SLC20A2: variants seen among roughly 807,000 people sequenced by gnomAD.
The protein encoded by SLC20A2 is sodium-dependent phosphate transporter 2.
A neutral mutation model predicts 61.0 loss-of-function variants in SLC20A2; 30 were observed. That is an observed-to-expected ratio of 0.49 (90% CI 0.37 to 0.67). SLC20A2 has a LOEUF of 0.67. SLC20A2 is among the 30% of genes least tolerant of loss of function. SLC20A2 has a pLI of 0.00. For synonymous variants in SLC20A2, 351 were observed against 353.3 expected, an observed-to-expected ratio of 0.99 and a Z score of 0.07; for missense variants, 626 against 866.4, an observed-to-expected ratio of 0.72 and a Z score of 3.48.
chr8:42,489,761 C>G (rs919984805), intron 1 of SLC20A2, among the ~76,000 whole-genome samples: 1 of 152,188 alleles, frequency 6.6e-6, no homozygotes, highest in African/African-American at 2.4e-5. Context: ...CTGAAGCCCC[C>G]GTAGCCTGCG....
chr8:42,441,373 C>A (rs1160470458), intron 6 of SLC20A2, among the ~76,000 whole-genome samples: 1 of 151,486 alleles, frequency 6.6e-6, no homozygotes, highest in African/African-American at 2.4e-5. Flanking sequence ...AAGCTTGTCT[C>A]GAAATCCTGA....
chr8:42,483,184 G>A (rs1232075815), intron 1 of SLC20A2, among the ~76,000 whole-genome samples: 5 of 151,936 alleles, frequency 3.3e-5, no homozygotes, highest in East Asian at 1.9e-4. Flanking sequence ...TGTTGTTTCC[G>A]TCTCTACTAA....
At chr8:42,475,978 G>T (rs949881969) in intron 1 of SLC20A2, among the ~76,000 whole-genome samples, 1 of 151,970 alleles carries the variant, frequency 6.6e-6, no homozygotes, top group African/African-American at 2.4e-5. Flanking sequence ...AACCGAGTGG[G>T]TTTTTCTTCT....
intron 1 of SLC20A2, among the ~76,000 whole-genome samples, chr8:42,534,392 A>C (rs906524431): frequency 3.3e-5 from 5 of 152,248 alleles, no homozygotes; most frequent in Non-Finnish European, 2.9e-5. Flanking sequence ...TACATTTTCT[A>C]TACATTTCTA....
intron 1 of SLC20A2, among the ~76,000 whole-genome samples, chr8:42,528,847 A>G (rs977099383): frequency 1.3e-5 from 2 of 151,826 alleles, no homozygotes; most frequent in East Asian, 3.9e-4. Flanking sequence ...TTGTATTTTT[A>G]GTAGAAACGG....
At chr8:42,470,710 A>T (rs1456835280) in intron 2 of SLC20A2, among the ~76,000 whole-genome samples, 1 of 152,162 alleles carries the variant, frequency 6.6e-6, no homozygotes, top group Non-Finnish European at 1.5e-5. Flanking sequence ...GTGGTGGCTC[A>T]CGCCTGTAAT....
chr8:42,420,704 TATAC>T (rs1209435116), intron 10 of SLC20A2, among the ~76,000 whole-genome samples: 3 of 152,222 alleles, frequency 2.0e-5, no homozygotes, highest in Admixed American at 2.0e-4. Context: ...TGTGGTAAGA[TATAC>T]ATAACATAAA....
At chr8:42,506,426 A>G (rs1810713992) in intron 1 of SLC20A2, among the ~76,000 whole-genome samples, 1 of 152,218 alleles carries the variant, frequency 6.6e-6, no homozygotes, top group African/African-American at 2.4e-5. Context: ...AGTGAGATGT[A>G]TCTAGCACAG....
chr8:42,419,400 T>A (rs1198133368), intron 10 of SLC20A2, among the ~76,000 whole-genome samples: 2 of 151,942 alleles, frequency 1.3e-5, no homozygotes, highest in Non-Finnish European at 2.9e-5. Context: ...TGAAACCCTG[T>A]CTCTACTAAA....
chr8:42,428,246 T>C (rs886206757), intron 10 of SLC20A2, among the ~76,000 whole-genome samples: 1 of 152,228 alleles, frequency 6.6e-6, no homozygotes, highest in East Asian at 1.9e-4. Flanking sequence ...CACTCCGCAG[T>C]GGTCAGTATC....
intron 5 of SLC20A2, among the ~76,000 whole-genome samples, chr8:42,455,645 G>A (rs1445032399): frequency 2.7e-5 from 4 of 149,944 alleles, no homozygotes; most frequent in Non-Finnish European, 4.4e-5. Flanking sequence ...ATGACACTCC[G>A]TCTCAAAAAA....
chr8:42,541,706 G>C (rs1404458849), intron 1 of SLC20A2: 3 of 149,228 alleles, frequency 2.0e-5, no homozygotes, highest in Non-Finnish European at 3.0e-5. Context: ...AGCCGGCAGC[G>C]TGAGTGGCCC....
intron 1 of SLC20A2, among the ~76,000 whole-genome samples, chr8:42,487,651 G>A (rs889675637): frequency 2.0e-5 from 3 of 152,088 alleles, no homozygotes; most frequent in East Asian, 1.9e-4. Context: ...AATTTACTGC[G>A]AAGCCTCTCT....
rs746548440 is a variant in SLC20A2, at chr8:42,437,075, GTCCTTCTCC to G, written c.1428_1436del (p.Glu476_Lys478del). ...GGAACAGGAGGTGAACCTCGGGTGC[GTCCTTCTCC>G]TCCTTCTCCTCCTCTGCAGGGTCCT... On this transcript the variant is annotated inframe_deletion, in exon 8 of 11. Coordinates refer to ENST00000520262, the MANE Select transcript of SLC20A2 (RefSeq NM_001257180.2). The surrounding 1 kb of genome is among the most constrained non-coding windows in gnomAD (Gnocchi z 6.4). The G allele has an allele frequency of 2.9e-5, 47 of 1,613,948 alleles. No individual in the cohort carries two copies. In the South Asian group the frequency reaches 4.1e-4, roughly 14 times the overall value.
chr8:42,516,483 T>C (rs541925808), intron 1 of SLC20A2, among the ~76,000 whole-genome samples: 7 of 152,342 alleles, frequency 4.6e-5, no homozygotes, highest in South Asian at 2.1e-4. Context: ...TGGGAGGTCA[T>C]TGCTCTCTAG....
chr8:42,533,596 A>G (rs1250553855), intron 1 of SLC20A2, among the ~76,000 whole-genome samples: 4 of 145,990 alleles, frequency 2.7e-5, no homozygotes, highest in Non-Finnish European at 6.0e-5. Context: ...TCGTCATCAC[A>G]CTCCAACCTG....
intron 1 of SLC20A2, among the ~76,000 whole-genome samples, chr8:42,473,197 T>A (rs764585620): frequency 2.0e-5 from 3 of 152,176 alleles, no homozygotes; most frequent in Non-Finnish European, 4.4e-5. Context: ...GTCACTCATC[T>A]GGAGGGTGAC....
chr8:42,448,646 C>T (rs1420632633), intron 5 of SLC20A2, among the ~76,000 whole-genome samples: 1 of 152,200 alleles, frequency 6.6e-6, no homozygotes, highest in Non-Finnish European at 1.5e-5. Flanking sequence ...AATCACCTCC[C>T]AGTCATGAGA....
intron 1 of SLC20A2, among the ~76,000 whole-genome samples, chr8:42,488,664 T>G (rs1345795914): frequency 6.6e-6 from 1 of 152,176 alleles, no homozygotes; most frequent in Non-Finnish European, 1.5e-5. Context: ...TCACCAATAG[T>G]GCACAAGGGT....
Sources: allele counts gnomAD v4.1 joint callset (sites outside exome capture counted in the v4.1 genomes callset), GRCh38; gene constraint gnomAD v4.1.1; non-coding constraint Gnocchi (gnomAD v3.1); transcripts MANE v1.5; gene names NCBI Gene and HGNC (gene_info 2026-07-23, HGNC 2026-07-21).